Variants in GPHN observed in about 807,000 individuals in gnomAD.
GPHN encodes the protein gephyrin.
GPHN carries 17 observed loss-of-function variants against 95.5 expected under a neutral mutation model. The ratio of observed to expected loss-of-function variants is 0.18; its 90% CI spans 0.12 to 0.27. The LOEUF (loss-of-function observed/expected upper bound fraction) is 0.27. Ranked by LOEUF, GPHN falls within the 10% of genes least tolerant of loss-of-function variation. GPHN has a pLI of 1.00. For missense variants in GPHN, 660 were observed against 978.1 expected, an observed-to-expected ratio of 0.67 and a Z score of 4.34; for synonymous variants, 320 against 322.5, an observed-to-expected ratio of 0.99 and a Z score of 0.08.
At chr14:67,450,767 C>T in the GPHN span, among the ~76,000 whole-genome samples, 3 of 152,130 alleles carry the variant, frequency 2.0e-5, no homozygotes, top group East Asian at 1.9e-4. Context: ...ACTGACAATG[C>T]GATAGAAAAG....
At chr14:67,200,180 G>A in the GPHN span, 85 of 1,156,408 alleles carry the variant, frequency 7.4e-5, no homozygotes, top group Non-Finnish European at 4.4e-5. Flanking sequence ...CATGGTATGC[G>A]TGGACTTCCT....
the GPHN span, among the ~76,000 whole-genome samples, chr14:67,399,687 G>T: frequency 0.016 from 2,077 of 131,538 alleles, 59 homozygotes; most frequent in African/African-American, 0.043. Context: ...GTTTAGGTGG[G>T]TCTCAGGTGG....
the GPHN span, among the ~76,000 whole-genome samples, chr14:67,532,010 T>C: frequency 1.3e-5 from 2 of 152,052 alleles, no homozygotes; most frequent in Non-Finnish European, 2.9e-5. Flanking sequence ...TTCTGGAATG[T>C]TGAAGTGGAT....
chr14:66,621,752 C>T (rs1338766136), intron 1 of GPHN, among the ~76,000 whole-genome samples: 3 of 152,174 alleles, frequency 2.0e-5, no homozygotes, highest in African/African-American at 7.2e-5. Context: ...CCAAAATGAT[C>T]TCCTTTGACT....
intron 1 of GPHN, among the ~76,000 whole-genome samples, chr14:66,517,367 A>G (rs1031519291): frequency 6.6e-6 from 1 of 152,188 alleles, no homozygotes; most frequent in South Asian, 2.1e-4. Context: ...ACCCAAAGCA[A>G]TCTACAGATT....
the GPHN span, among the ~76,000 whole-genome samples, chr14:67,602,363 C>T: frequency 1.3e-5 from 2 of 152,178 alleles, no homozygotes; most frequent in Non-Finnish European, 2.9e-5. Flanking sequence ...GGTCCCTCCC[C>T]TAACAAGTGG....
intron 5 of GPHN, among the ~76,000 whole-genome samples, chr14:66,905,396 C>T (rs922274480): frequency 3.9e-5 from 6 of 152,056 alleles, no homozygotes; most frequent in African/African-American, 1.4e-4. Context: ...TTAGGGAGCT[C>T]ACATATTGCT....
chr14:67,669,854 C>A, the GPHN span, among the ~76,000 whole-genome samples: 2 of 152,188 alleles, frequency 1.3e-5, no homozygotes, highest in African/African-American at 4.8e-5. Flanking sequence ...AACCCCAGCA[C>A]TTTAAGAGGC....
chr14:67,442,193 G>A, the GPHN span, among the ~76,000 whole-genome samples: 4 of 152,010 alleles, frequency 2.6e-5, no homozygotes, highest in Admixed American at 6.5e-5. Context: ...GTGCCTAAGC[G>A]CCATGAAAGC....
At chr14:67,581,100 C>T in the GPHN span, 8 of 1,018,402 alleles carry the variant, frequency 7.9e-6, no homozygotes, top group South Asian at 2.5e-5. Context: ...GCCAGCTCAT[C>T]GCCTCCTCGA....
intron 2 of GPHN, among the ~76,000 whole-genome samples, chr14:66,764,230 A>G (rs2058874139): frequency 6.6e-6 from 1 of 152,158 alleles, no homozygotes; most frequent in South Asian, 2.1e-4. Flanking sequence ...CCACTGATTT[A>G]AAGTATATGA....
intron 9 of GPHN, among the ~76,000 whole-genome samples, chr14:67,018,997 A>ATG (rs1287222465): frequency 6.6e-6 from 1 of 152,194 alleles, no homozygotes; most frequent in African/African-American, 2.4e-5. Flanking sequence ...CTAAATTGGG[A>ATG]TGTACACATG....
intron 1 of GPHN, among the ~76,000 whole-genome samples, chr14:66,635,580 C>G (rs568009287): frequency 6.6e-6 from 1 of 152,138 alleles, no homozygotes; most frequent in African/African-American, 2.4e-5. Context: ...ATAATCCACA[C>G]TACTGTCTCT....
At chr14:67,321,822 T>C in the GPHN span, among the ~76,000 whole-genome samples, 1 of 152,214 alleles carries the variant, frequency 6.6e-6, no homozygotes, top group Non-Finnish European at 1.5e-5. Flanking sequence ...TGCTTGTATG[T>C]ATGTTCTGAA....
the GPHN span, chr14:67,615,688 G>A: frequency 6.0e-6 from 3 of 497,634 alleles, no homozygotes; most frequent in Non-Finnish European, 1.2e-5. Context: ...GGCAGACAAG[G>A]CCCGTTACGA....
the GPHN span, among the ~76,000 whole-genome samples, chr14:67,450,709 TTCAGTTTTA>T: frequency 6.6e-6 from 1 of 152,326 alleles, no homozygotes; most frequent in Admixed American, 6.5e-5. Flanking sequence ...GTTAAAGGCA[TTCAGTTTTA>T]TAAGGGAAGC....
intron 1 of GPHN, among the ~76,000 whole-genome samples, chr14:66,653,383 G>T (rs1160230798): frequency 1.3e-5 from 2 of 152,102 alleles, no homozygotes; most frequent in Admixed American, 6.6e-5. Context: ...AAACTTTTTA[G>T]ATAGTTGTAG....
intron 1 of GPHN, among the ~76,000 whole-genome samples, chr14:66,525,273 T>C (rs2058641877): frequency 6.6e-6 from 1 of 152,212 alleles, no homozygotes; most frequent in African/African-American, 2.4e-5. Context: ...TTCATATGTG[T>C]GTTGGCTGCA....
Position 66,984,319 on chromosome 14 carries a change from A to T in GPHN, c.963+18994A>T, listed in dbSNP as rs1375751112. Among the ~76,000 whole-genome samples, 2 of 152,210 alleles carry T rather than the reference A, an allele frequency of 1.3e-5. 1 individual carries two copies. Among genetic ancestry groups the T allele is most frequent in the East Asian group, 3.8e-4 (2 of 5,200 alleles). ...TGAACTCACTCTGAATTCACTCCAT[A>T]GGGAGCCCCTCTCTTATAGGTGCTG... On this transcript the variant is annotated intron_variant, in intron 9 of 22. Transcript: ENST00000478722.
Sources: gnomAD v4.1 joint callset for allele counts (sites outside exome capture counted in the v4.1 genomes callset) on GRCh38, gnomAD v4.1.1 for gene constraint, MANE v1.5 for transcripts, NCBI Gene and HGNC (gene_info 2026-07-23, HGNC 2026-07-21) for gene names.